Variants in MMP13 observed in about 807,000 individuals in gnomAD.
MMP13 encodes matrix metallopeptidase 13.
MMP13 carries 45 observed loss-of-function variants against 52.1 expected under a neutral mutation model. That is an observed-to-expected ratio of 0.86 (90% CI 0.68 to 1.11). The LOEUF (loss-of-function observed/expected upper bound fraction) is 1.11, where lower values mean the gene tolerates loss of function less well. MMP13 is among the 50% of genes least tolerant of loss of function. The probability of loss-of-function intolerance (pLI) is 0.00; values close to 1 mark genes in which losing one functional copy is unlikely to be tolerated. For missense variants in MMP13, 576 were observed against 583.8 expected (o/e 0.99, Z 0.14); for synonymous variants, 200 against 204.4 (o/e 0.98, Z 0.18).
Position 102,949,964 on chromosome 11 carries a change from T to C in MMP13, c.917+146A>G. ...AACATTTATCCATCAGTCATTTATTTGATCTGAAATATGTAAATAAACTGC... is the reference window on the plus strand; with the variant it reads ...AACATTTATCCATCAGTCATTTATTCGATCTGAAATATGTAAATAAACTGC... On this transcript the variant is annotated intron_variant, in intron 6 of 9. Coordinates refer to ENST00000260302, the MANE Select transcript of MMP13 (RefSeq NM_002427.4). The surrounding 1 kb of genome is among the most constrained non-coding windows in gnomAD (Gnocchi z 4.2). The C allele has an allele frequency of 1.6e-5, 12 of 734,776 alleles. No individual in the cohort carries two copies. Among genetic ancestry groups the C allele is most frequent in the Non-Finnish European group, 3.0e-5 (12 of 399,212 alleles). 45.5% of individuals were successfully genotyped at this position (734,776 alleles called of 1,614,324 possible).
chr11:102,953,772 AT>A (rs1860649782), intron 4 of MMP13, among the ~76,000 whole-genome samples: 2 of 152,314 alleles, frequency 1.3e-5, no homozygotes, highest in South Asian at 4.1e-4. Flanking sequence ...TTCACATCTA[AT>A]TCATGTATGA....
Position 102,944,351 on chromosome 11 carries a change from A to G in MMP13, c.1331T>C (p.Phe444Ser). 6.2e-7 allele frequency: 1 copy of G among 1,609,526 alleles called. No individual in the cohort carries two copies. Among genetic ancestry groups the G allele is most frequent in the East Asian group, 2.2e-5 (1 of 44,808 alleles). ...GTATTCAAACTGTATGGGTCCGTTG[A>G]AAAAATAGATATAACCTATAAGAAA... Reference protein sequence around the residue: ...VYEKNGYIYFFNGPIQFEYSI... With the variant: ...VYEKNGYIYFSNGPIQFEYSI... The change falls in exon 10 of 10, where the codon TTC becomes TCC. Residue 444 changes from phenylalanine to serine, a missense_variant. By Grantham distance (155) the Phe-to-Ser change is radical (BLOSUM62 -2). Transcript: ENST00000260302.
intron 8 of MMP13, among the ~76,000 whole-genome samples, chr11:102,947,296 A>G (rs781904542): frequency 7.9e-5 from 12 of 152,274 alleles, no homozygotes; most frequent in South Asian, 6.2e-4. Flanking sequence ...GAAGGTGCCA[A>G]TTGGGTGTGG....
chr11:102,954,260 A>C lies in MMP13; in HGVS notation c.533T>G (p.Phe178Cys). The change falls in exon 4 of 10, where the codon TTT (phenylalanine) becomes TGT (cysteine). Residue 178 changes from phenylalanine to cysteine, a missense_variant. Phe to Cys is a radical substitution (Grantham distance 205). Coordinates refer to ENST00000260302, the MANE Select transcript of MMP13 (RefSeq NM_002427.4). The part of the protein sequence containing the change: ...GIKEHGDFYP[F>C]DGPSGLLAHA... ...AGCCAGCAGGCCAGAGGGCCCATCA[A>C]ATGGGTAGAAGTCGCCATGCTCTAC... The C allele has an allele frequency of 1.2e-6, 2 of 1,613,666 alleles. No individual in the cohort carries two copies. The highest frequency in any genetic ancestry group is 1.7e-6 in the Non-Finnish European group (2 of 1,179,738).
Position 102,948,037 on chromosome 11 carries a change from C to T in MMP13, c.1065G>A (p.Trp355Ter). The T allele has an allele frequency of 6.2e-7, 1 of 1,613,260 alleles. No individual in the cohort carries two copies. Among genetic ancestry groups the T allele is most frequent in the Non-Finnish European group, 8.5e-7 (1 of 1,179,686 alleles). ...CCAGAATGTCATAACCATTAAGAGC[C>T]CAAAATTTTCTACCTGGAATGAGTG... Reference protein sequence around the residue: ...LIFIFRGRKFWALNGYDILEG... With the variant: ...LIFIFRGRKF The change falls in exon 8 of 10, where the codon TGG (tryptophan) becomes TGA (stop). Residue 355 changes from tryptophan to a stop codon, truncating the protein, a stop_gained. Coordinates refer to ENST00000260302, the MANE Select transcript of MMP13 (RefSeq NM_002427.4). LOFTEE classifies it high-confidence loss of function.
Position 102,955,518 on chromosome 11 carries a change from G to A in MMP13, c.121-25C>T, listed in dbSNP as rs1860684070. ...GCTAGAAAAGACACCAAAATGAACT[G>A]CGTTTAAAAGAGAAGGACATTTCTG... On this transcript the variant is annotated intron_variant, in intron 1 of 9. Coordinates refer to ENST00000260302, the MANE Select transcript of MMP13 (RefSeq NM_002427.4). This position sits in a 1 kb window ranked among gnomAD's most constrained non-coding sequence, Gnocchi z 4.9. The A allele has an allele frequency of 6.2e-7, 1 of 1,613,818 alleles. No homozygotes were observed. The highest frequency in any genetic ancestry group is 8.5e-7 in the Non-Finnish European group (1 of 1,179,898).
chr11:102,948,507 A>T (rs899247056), intron 7 of MMP13, among the ~76,000 whole-genome samples: 1 of 152,190 alleles, frequency 6.6e-6, no homozygotes, highest in African/African-American at 2.4e-5. Flanking sequence ...GCAGGAAGTT[A>T]TGTAATCATT....
chr11:102,945,302 A>G, intron 9 of MMP13: 1 of 1,019,118 alleles, frequency 9.8e-7, no homozygotes, highest in Non-Finnish European at 1.2e-6. Context: ...TAGTTAAGGT[A>G]GTTATGAGTC....
At position 102,954,623 on chromosome 11, in the gene MMP13, G is replaced by C. The variant is rs72987512; in HGVS notation, c.363-17C>G. ...TTCACAATTCTATTTAACAGAGAAAGTTTCAATGAACTTTTTGGAAAGTGA... is the reference window on the plus strand; with the variant it reads ...TTCACAATTCTATTTAACAGAGAAACTTTCAATGAACTTTTTGGAAAGTGA... On this transcript the variant is annotated splice_polypyrimidine_tract_variant and intron_variant, in intron 2 of 9. Transcript: ENST00000260302. 6.1e-4 allele frequency: 979 copies of C among 1,612,152 alleles called. 8 individuals carry two copies. In the African/African-American group the frequency reaches 0.011, roughly 18 times the overall value.
In MMP13 at chr11:102,954,587, C is replaced by T; in HGVS notation, c.382G>A (p.Asp128Asn). Residue 128 changes from aspartate to asparagine, a missense_variant, in exon 3 of 10, where the codon GAT (aspartate) becomes AAT (asparagine). Coordinates refer to ENST00000260302, the MANE Select transcript of MMP13 (RefSeq NM_002427.4). ...LTYRIVNYTP[D>N]MTHSEVEKAF... ...TTTTCGACTTCAGAATGAGTCATAT[C>T]AGGGGTGTAATTCACAATTCTATTT... 1 of 1,613,470 alleles carries T rather than the reference C, an allele frequency of 6.2e-7. No individual in the cohort carries two copies. The highest frequency in any genetic ancestry group is 8.5e-7 in the Non-Finnish European group (1 of 1,179,630).
At chr11:102,947,667 T>TTGTGTGTGTG (rs71066125) in intron 8 of MMP13, among the ~76,000 whole-genome samples, 3,332 of 144,840 alleles carry the variant, frequency 0.023, 52 homozygotes, top group East Asian at 0.049. Context: ...TGTTTGAGTA[T>TTGTGTGTGTG]TGTGTGTGTG....
chr11:102,955,629 C>T lies in MMP13; in HGVS notation c.77G>A (p.Gly26Asp), dbSNP rs1192694481. ...TTCCTCAGACAAATCATCTTCATCA[C>T]CACCACTGGGAAGGGGCAGGGCCCG... Reference protein sequence around the residue: ...HCRALPLPSGGDEDDLSEEDL... With the variant: ...HCRALPLPSGDDEDDLSEEDL... The change falls in exon 1 of 10, where the codon GGT (glycine) becomes GAT (aspartate). Residue 26 changes from glycine (G) to aspartate (D), a missense_variant. By Grantham distance (94) the Gly-to-Asp change is moderately conservative. Coordinates refer to ENST00000260302, the MANE Select transcript of MMP13 (RefSeq NM_002427.4). The surrounding 1 kb of genome is among the most constrained non-coding windows in gnomAD (Gnocchi z 4.9). 1 of 1,614,038 alleles carries T rather than the reference C, an allele frequency of 6.2e-7. No homozygotes were observed. The highest frequency in any genetic ancestry group is 1.7e-5 in the Admixed American group (1 of 59,994).
intron 4 of MMP13, 95 bp downstream of exon 4, chr11:102,954,061 A>G (rs1860653867): frequency 1.2e-5 from 16 of 1,372,854 alleles, no homozygotes; most frequent in Non-Finnish European, 1.6e-5. Context: ...GTCAAATACC[A>G]AATATATTTA....
At position 102,954,260 on chromosome 11, in the gene MMP13, A is replaced by G; in HGVS notation, c.533T>C (p.Phe178Ser). 1 of 1,613,666 alleles carries G rather than the reference A, an allele frequency of 6.2e-7. No individual in the cohort carries two copies. Among genetic ancestry groups the G allele is most frequent in the East Asian group, 2.2e-5 (1 of 44,860 alleles). ...AGCCAGCAGGCCAGAGGGCCCATCAAATGGGTAGAAGTCGCCATGCTCTAC... is the reference window on the plus strand; with the variant it reads ...AGCCAGCAGGCCAGAGGGCCCATCAGATGGGTAGAAGTCGCCATGCTCTAC... ...GIKEHGDFYPFDGPSGLLAHA... is the reference protein window; with the variant it reads ...GIKEHGDFYPSDGPSGLLAHA... The change falls in exon 4 of 10, where the codon TTT becomes TCT. Residue 178 changes from phenylalanine (F) to serine (S), a missense_variant. Phe to Ser is a radical substitution (Grantham distance 155). Transcript: ENST00000260302.
intron 3 of MMP13, 55 bp from the exon 4 acceptor site, chr11:102,954,336 A>C: frequency 6.2e-7 from 1 of 1,612,380 alleles, no homozygotes; most frequent in East Asian, 2.2e-5. Flanking sequence ...TACTTAGCAC[A>C]GGTGTTTGGT....
At position 102,944,133 on chromosome 11, in the gene MMP13, C is replaced by T. The variant is rs1860455111; in HGVS notation, c.*133G>A. 2 of 726,008 alleles carry T rather than the reference C, an allele frequency of 2.8e-6. No individual in the cohort carries two copies. The allele number at this position is 726,008 out of a possible 1,614,324, so 45.0% of individuals were successfully genotyped here. A position where few individuals can be genotyped will look rare whatever the true frequency, so the allele number is the denominator to read the frequency against. ...CATAGTCATATAGATACTACATATT[C>T]AAAGATAACTTACTGAAGCTTGTTC... On this transcript the variant is annotated 3_prime_UTR_variant, in exon 10 of 10. Coordinates refer to ENST00000260302, the MANE Select transcript of MMP13 (RefSeq NM_002427.4).
intron 7 of MMP13, 58 bp downstream of exon 7, chr11:102,948,967 T>A: frequency 6.2e-7 from 1 of 1,604,804 alleles, no homozygotes; most frequent in Non-Finnish European, 8.5e-7. Flanking sequence ...TCTAGTGGCA[T>A]CAAATTCAGC....
chr11:102,946,927 G>T (rs1006408244), intron 8 of MMP13, among the ~76,000 whole-genome samples: 25 of 152,138 alleles, frequency 1.6e-4, no homozygotes, highest in Admixed American at 6.5e-4. Flanking sequence ...ATGGAGGAAA[G>T]TTTCCACTTT....
In MMP13 at chr11:102,944,171, T is replaced by C. The variant is rs782161173; in HGVS notation, c.*95A>G. 1 of 906,272 alleles carries C rather than the reference T, an allele frequency of 1.1e-6. No homozygotes were observed. The highest frequency in any genetic ancestry group is 1.8e-6 in the Non-Finnish European group (1 of 545,814). 56.1% of individuals were successfully genotyped at this position (906,272 alleles called of 1,614,324 possible). ...CTGAAGCTTGTTCACAGAACCAAGC[T>C]TTCTCCTGATAGCTCTTCTTCCCCT... On this transcript the variant is annotated 3_prime_UTR_variant, in exon 10 of 10. Transcript: ENST00000260302.
Sources: allele counts gnomAD v4.1 joint callset (sites outside exome capture counted in the v4.1 genomes callset), GRCh38; gene constraint gnomAD v4.1.1; non-coding constraint Gnocchi (gnomAD v3.1); transcripts MANE v1.5; gene names NCBI Gene and HGNC (gene_info 2026-07-23, HGNC 2026-07-21).